Variants in GRIP1 observed in about 807,000 individuals in gnomAD.
GRIP1 encodes glutamate receptor-interacting protein 1.
A neutral mutation model predicts 129.9 loss-of-function variants in GRIP1; 45 were observed. That is an observed-to-expected ratio of 0.35 (90% CI 0.27 to 0.44). The LOEUF is 0.44. Among genes scored for constraint, GRIP1 ranks in the 20% least tolerant of loss-of-function variants. The pLI is 1.00. For synonymous variants in GRIP1, 530 were observed against 520.8 expected (o/e 1.02, Z -0.24); for missense variants, 1,196 against 1,396.8 (o/e 0.86, Z 2.29).
At chr12:66,754,409 G>C (rs1001381823) in intron 1 of GRIP1, among the ~76,000 whole-genome samples, 3 of 152,146 alleles carry the variant, frequency 2.0e-5, no homozygotes, top group African/African-American at 7.2e-5. Context: ...AGCGTTTCTT[G>C]GGGATTATAG....
intron 7 of GRIP1, among the ~76,000 whole-genome samples, chr12:66,492,219 A>G (rs1221411022): frequency 6.6e-6 from 1 of 152,190 alleles, no homozygotes; most frequent in African/African-American, 2.4e-5. Context: ...GTGAAACGAG[A>G]CAAATGAATA....
At chr12:66,660,671 T>A (rs1269186304) in intron 1 of GRIP1, among the ~76,000 whole-genome samples, 7 of 152,152 alleles carry the variant, frequency 4.6e-5, no homozygotes, top group African/African-American at 1.7e-4. Context: ...TGGCAGCACA[T>A]AACACATTTC....
chr12:66,652,561 T>C (rs2032877130), intron 1 of GRIP1, among the ~76,000 whole-genome samples: 1 of 152,210 alleles, frequency 6.6e-6, no homozygotes, highest in South Asian at 2.1e-4. Flanking sequence ...ATGGAGATTC[T>C]GATGCTGTGG....
intron 1 of GRIP1, among the ~76,000 whole-genome samples, chr12:66,672,921 T>C (rs2034149383): frequency 6.6e-6 from 1 of 152,186 alleles, no homozygotes; most frequent in African/African-American, 2.4e-5. Flanking sequence ...GTTTTTTTGT[T>C]TGTTTGTTTT....
chr12:66,868,814 G>A (rs1938454665), intron 1 of GRIP1, among the ~76,000 whole-genome samples: 1 of 152,092 alleles, frequency 6.6e-6, no homozygotes, highest in African/African-American at 2.4e-5. Flanking sequence ...TAAATCCCCA[G>A]GAGTGGTTGG....
chr12:66,667,696 G>A (rs1198980139), intron 1 of GRIP1, among the ~76,000 whole-genome samples: 8 of 152,140 alleles, frequency 5.3e-5, no homozygotes, highest in Non-Finnish European at 1.0e-4. Flanking sequence ...AAAATGGGGA[G>A]GGCTTTCTTG....
chr12:66,671,280 T>C (rs1451763413), intron 1 of GRIP1, among the ~76,000 whole-genome samples: 1 of 152,156 alleles, frequency 6.6e-6, no homozygotes, highest in Admixed American at 6.5e-5. Context: ...TTCCTATGCT[T>C]TCCTGTCTCT....
intron 1 of GRIP1, among the ~76,000 whole-genome samples, chr12:66,979,638 T>C (rs545054743): frequency 2.1e-4 from 32 of 152,266 alleles, no homozygotes; most frequent in African/African-American, 7.2e-4. Flanking sequence ...CCTGTATCTA[T>C]GATGTGAATG....
chr12:66,408,028 C>A (rs745664116), intron 15 of GRIP1, among the ~76,000 whole-genome samples: 10 of 152,166 alleles, frequency 6.6e-5, no homozygotes, highest in Non-Finnish European at 1.3e-4. Flanking sequence ...CGACAGGGCA[C>A]CGGGCAGAGT....
chr12:66,499,901 T>A (rs141548280), intron 7 of GRIP1, among the ~76,000 whole-genome samples: 1 of 152,206 alleles, frequency 6.6e-6, no homozygotes, highest in Non-Finnish European at 1.5e-5. Flanking sequence ...TCCCAGCTAC[T>A]CAGGAGGCTG....
At chr12:66,899,340 A>G (rs989358367) in intron 1 of GRIP1, among the ~76,000 whole-genome samples, 2 of 124,546 alleles carry the variant, frequency 1.6e-5, no homozygotes, top group Non-Finnish European at 3.7e-5. Flanking sequence ...ATCATTGGAA[A>G]GAAACTGTTC....
chr12:66,393,180 T>G (rs2056658002), intron 17 of GRIP1, among the ~76,000 whole-genome samples: 1 of 134,918 alleles, frequency 7.4e-6, no homozygotes, highest in African/African-American at 2.8e-5. Flanking sequence ...TTTTTTTTTT[T>G]TTTTTTTTTT....
At chr12:66,376,634 C>A (rs2055797256) in intron 22 of GRIP1, among the ~76,000 whole-genome samples, 1 of 152,182 alleles carries the variant, frequency 6.6e-6, no homozygotes, top group Non-Finnish European at 1.5e-5. Flanking sequence ...ATAGACTGGC[C>A]TTTTTCACCA....
At chr12:66,688,841 AG>A (rs2034875877) in intron 1 of GRIP1, among the ~76,000 whole-genome samples, 1 of 152,076 alleles carries the variant, frequency 6.6e-6, no homozygotes, top group Admixed American at 6.5e-5. Flanking sequence ...TAATGTCTAA[AG>A]GGGAAAAGGG....
Position 66,393,169 on chromosome 12 carries a change from A to ATTTT in GRIP1, c.2130-357_2130-354dup, listed in dbSNP as rs60982107. ...CATGGAGCATCCTTTCTTTCTACAG[A>ATTTT]TTTTTTTTTTTTTTTTTTTTTTTTT... On this transcript the variant is annotated intron_variant, in intron 17 of 24. Transcript: ENST00000359742. 8.1e-4 allele frequency among the ~76,000 whole-genome samples: 64 copies of ATTTT among 78,878 alleles called. 4 individuals are homozygous for ATTTT. The highest frequency in any genetic ancestry group is 1.0e-3 in the African/African-American group (19 of 18,510). 51.7% of individuals were successfully genotyped at this position (78,878 alleles called of 152,430 possible).
chr12:66,746,072 A>G (rs1163466151), intron 1 of GRIP1, among the ~76,000 whole-genome samples: 1 of 152,204 alleles, frequency 6.6e-6, no homozygotes, highest in East Asian at 1.9e-4. Context: ...TGCAGGCAGA[A>G]GACAATACAA....
chr12:66,552,866 A>G (rs2062188147), intron 2 of GRIP1, among the ~76,000 whole-genome samples: 1 of 152,172 alleles, frequency 6.6e-6, no homozygotes, highest in East Asian at 1.9e-4. Flanking sequence ...GCAGATCACC[A>G]AGAAGCAAAG....
chr12:66,678,761 C>T, intron 1 of GRIP1, 89 bp downstream of exon 1: 1 of 1,184,692 alleles, frequency 8.4e-7, no homozygotes, highest in Non-Finnish European at 1.3e-6. Flanking sequence ...ATTGCAAAGG[C>T]AGTCATATTT....
chr12:66,961,610 T>C (rs1454332354), intron 1 of GRIP1, among the ~76,000 whole-genome samples: 2 of 152,320 alleles, frequency 1.3e-5, no homozygotes, highest in Non-Finnish European at 2.9e-5. Flanking sequence ...GAAGGATTTT[T>C]TTTTTGTTTT....
Sources: allele counts gnomAD v4.1 joint callset (sites outside exome capture counted in the v4.1 genomes callset), GRCh38; gene constraint gnomAD v4.1.1; transcripts MANE v1.5; gene names NCBI Gene and HGNC (gene_info 2026-07-23, HGNC 2026-07-21).